Variants in LOXL2 observed in about 807,000 individuals in gnomAD.
LOXL2 encodes the protein lysyl oxidase homolog 2.
A neutral mutation model predicts 93.0 loss-of-function variants in LOXL2; 70 were observed. The ratio of observed to expected loss-of-function variants is 0.75; its 90% CI spans 0.62 to 0.92. The LOEUF (loss-of-function observed/expected upper bound fraction) is 0.92. LOXL2 is among the 40% of genes least tolerant of loss of function. The probability of loss-of-function intolerance (pLI) is 0.00; values close to 1 mark genes in which losing one functional copy is unlikely to be tolerated. For synonymous variants in LOXL2, 438 were observed against 413.2 expected (o/e 1.06, Z -0.73); for missense variants, 973 against 1,054.9 (o/e 0.92, Z 1.08).
rs77802926 is a variant in LOXL2, at chr8:23,311,345, G to A, written c.1637-1434C>T. ...GCACATGGGGTGGGGCACGGAAGCC[G>A]TAAATCAGGAGGCTCCCGTTTACTG... On this transcript the variant is annotated intron_variant, in intron 9 of 13. Coordinates refer to ENST00000389131, the MANE Select transcript of LOXL2 (RefSeq NM_002318.3). Among the ~76,000 whole-genome samples, 1,390 of 152,334 alleles carry A rather than the reference G, an allele frequency of 9.1e-3. 82 individuals are homozygous for A. In the East Asian group the frequency reaches 0.16, roughly 17 times the overall value.
chr8:23,382,426 A>T (rs2117227280), intron 1 of LOXL2: 1 of 151,556 alleles, frequency 6.6e-6, no homozygotes, highest in South Asian at 2.1e-4. Flanking sequence ...TTGAGGCAGG[A>T]GAATCGCTTG....
At chr8:23,351,509 A>C (rs1804093642) in intron 3 of LOXL2, among the ~76,000 whole-genome samples, 2 of 152,242 alleles carry the variant, frequency 1.3e-5, no homozygotes, top group South Asian at 4.1e-4. Flanking sequence ...CATCCTGTTC[A>C]TTTATTTATT....
At chr8:23,348,198 T>C (rs559663153) in intron 3 of LOXL2, among the ~76,000 whole-genome samples, 6 of 136,070 alleles carry the variant, frequency 4.4e-5, no homozygotes, top group South Asian at 4.5e-4. Flanking sequence ...TAGGTGGGAA[T>C]TGAACAATGA....
chr8:23,318,174 T>TTA (rs772730736), intron 8 of LOXL2, among the ~76,000 whole-genome samples: 24 of 66,086 alleles, frequency 3.6e-4, no homozygotes, highest in African/African-American at 1.1e-3. Context: ...TCTTAAGGGG[T>TTA]AAAAAAAAAA....
chr8:23,377,991 G>C (rs1346430216), intron 1 of LOXL2, among the ~76,000 whole-genome samples: 1 of 152,172 alleles, frequency 6.6e-6, no homozygotes, highest in Non-Finnish European at 1.5e-5. Context: ...TATAATGTTA[G>C]CTGGTTATTT....
Position 23,302,095 on chromosome 8 carries a change from A to T in LOXL2, c.2065T>A (p.Tyr689Asn), listed in dbSNP as rs1300680541. ...QGITMGCWDM[Y>N]RHDIDCQWVD... is the part of the protein sequence containing the mutation. ...CACTGGCAGTCGATGTCATGGCGGT[A>T]CATGTCCCAGCAGCCCATGGTGATG... is the stretch of plus-strand genomic sequence containing the variant. Residue 689 changes from tyrosine (Y) to asparagine (N), a missense_variant, in exon 12 of 14, where the codon TAC becomes AAC. Transcript: ENST00000389131. The T allele has an allele frequency of 5.6e-6, 9 of 1,614,162 alleles. No homozygotes were observed. The highest frequency in any genetic ancestry group is 1.7e-5 in the Admixed American group (1 of 60,032).
intron 1 of LOXL2, among the ~76,000 whole-genome samples, chr8:23,388,625 AC>A (rs1804798647): frequency 5.8e-4 from 2 of 3,476 alleles, no homozygotes; most frequent in African/African-American, 3.0e-3. Flanking sequence ...AAATATACTC[AC>A]ACACACACAC....
chr8:23,349,016 C>T (rs930555926), intron 3 of LOXL2, among the ~76,000 whole-genome samples: 1 of 148,870 alleles, frequency 6.7e-6, no homozygotes, highest in African/African-American at 2.5e-5. Context: ...TTCCTCTTTT[C>T]ATCGAGTCAT....
chr8:23,364,546 G>A (rs1804365534), intron 2 of LOXL2: 1 of 152,176 alleles, frequency 6.6e-6, no homozygotes, highest in Non-Finnish European at 1.5e-5. Flanking sequence ...TAGACTGTGT[G>A]GGGTCACAAA....
chr8:23,359,098 C>T (rs973265082), intron 3 of LOXL2, among the ~76,000 whole-genome samples: 21 of 151,856 alleles, frequency 1.4e-4, no homozygotes, highest in African/African-American at 1.9e-4. Context: ...GTGATCTGCC[C>T]GCCTCGGCCT....
intron 1 of LOXL2, among the ~76,000 whole-genome samples, chr8:23,376,127 T>C (rs1475015561): frequency 2.0e-5 from 3 of 152,058 alleles, no homozygotes; most frequent in African/African-American, 7.3e-5. Context: ...ATACCTAATT[T>C]ATTGAGAATT....
chr8:23,339,217 C>T (rs1803842114), intron 4 of LOXL2, among the ~76,000 whole-genome samples: 1 of 152,160 alleles, frequency 6.6e-6, no homozygotes, highest in Non-Finnish European at 1.5e-5. Context: ...GCTTCCCTTC[C>T]CACTCCTCTG....
chr8:23,318,442 CACACACACACACACACACAA>C (rs1242044943), intron 8 of LOXL2, among the ~76,000 whole-genome samples: 1 of 145,642 alleles, frequency 6.9e-6, no homozygotes, highest in Non-Finnish European at 1.5e-5. Context: ...CACACACACA[CACACACACACACACACACAA>C]AAATACACAT....
At chr8:23,350,015 T>C (rs1052433110) in intron 3 of LOXL2, among the ~76,000 whole-genome samples, 2 of 152,104 alleles carry the variant, frequency 1.3e-5, no homozygotes, top group Non-Finnish European at 2.9e-5. Context: ...TTGTGTGACT[T>C]ATGGATAGAC....
At chr8:23,346,771 T>A (rs1803995943) in intron 3 of LOXL2, among the ~76,000 whole-genome samples, 2 of 152,136 alleles carry the variant, frequency 1.3e-5, no homozygotes, top group South Asian at 4.1e-4. Flanking sequence ...CAGTGGTTGT[T>A]CTCCTTCCCC....
intron 9 of LOXL2, among the ~76,000 whole-genome samples, chr8:23,314,959 G>A (rs1223513709): frequency 1.3e-5 from 2 of 152,230 alleles, no homozygotes; most frequent in Non-Finnish European, 2.9e-5. Context: ...ATGGGAGGGG[G>A]TGGCCAGCGA....
At chr8:23,314,428 T>A (rs1368700186) in intron 9 of LOXL2, among the ~76,000 whole-genome samples, 1 of 136,686 alleles carries the variant, frequency 7.3e-6, no homozygotes, top group Non-Finnish European at 1.6e-5. Flanking sequence ...ATTAAGAAAA[T>A]GTGGCACATA....
chr8:23,331,089 A>T (rs1036459354), intron 5 of LOXL2, among the ~76,000 whole-genome samples: 2 of 152,136 alleles, frequency 1.3e-5, no homozygotes, highest in African/African-American at 4.8e-5. Flanking sequence ...GGGGGCACCC[A>T]GTGTGGTTTA....
chr8:23,379,267 A>C (rs1804637375), intron 1 of LOXL2, among the ~76,000 whole-genome samples: 1 of 152,222 alleles, frequency 6.6e-6, no homozygotes. Flanking sequence ...GCTGAACAGC[A>C]AATGTTCCTG....
Sources: allele counts gnomAD v4.1 joint callset (sites outside exome capture counted in the v4.1 genomes callset), GRCh38; gene constraint gnomAD v4.1.1; transcripts MANE v1.5; gene names NCBI Gene and HGNC (gene_info 2026-07-23, HGNC 2026-07-21).